Variants in PTPN13 observed in about 807,000 individuals in gnomAD.
PTPN13 encodes protein tyrosine phosphatase non-receptor type 13, also known as tyrosine-protein phosphatase non-receptor type 13.
Under a neutral mutation model 284.0 loss-of-function variants are expected in PTPN13, and 191 were observed. That is an observed-to-expected ratio of 0.67 (90% CI 0.60 to 0.76). The LOEUF (loss-of-function observed/expected upper bound fraction) is 0.76, where lower values mean the gene tolerates loss of function less well. PTPN13 is among the 30% of genes least tolerant of loss of function. PTPN13 has a pLI of 0.00. For missense variants in PTPN13, 2,797 were observed against 2,939.9 expected (o/e 0.95, Z 1.12); for synonymous variants, 986 against 1,022.3 (o/e 0.96, Z 0.68).
At chr4:86,812,508 A>ATAGG (rs1745344733) in intron 47 of PTPN13, among the ~76,000 whole-genome samples, 1 of 152,170 alleles carries the variant, frequency 6.6e-6, no homozygotes, top group Admixed American at 6.5e-5. Context: ...GAAAAATGAA[A>ATAGG]TAGGTAAAGG....
chr4:86,669,699 C>T (rs1727521070), intron 2 of PTPN13, among the ~76,000 whole-genome samples: 1 of 152,098 alleles, frequency 6.6e-6, no homozygotes. Flanking sequence ...ATGTAGCAAG[C>T]CTTTTCTGGT....
chr4:86,688,947 C>T, intron 4 of PTPN13, 58 bp from the exon 5 acceptor site: 1 of 1,365,298 alleles, frequency 7.3e-7, no homozygotes, highest in Non-Finnish European at 1.0e-6. Context: ...TGATTTGTCT[C>T]ATTAGAAAAA....
At chr4:86,682,665 T>C (rs1039600799) in intron 3 of PTPN13, among the ~76,000 whole-genome samples, 1 of 152,194 alleles carries the variant, frequency 6.6e-6, no homozygotes, top group Admixed American at 6.5e-5. Flanking sequence ...ATTGCTGCTA[T>C]TTATTAACCA....
At chr4:86,627,299 G>A (rs1426579046) in intron 1 of PTPN13, among the ~76,000 whole-genome samples, 1 of 152,000 alleles carries the variant, frequency 6.6e-6, no homozygotes, top group Non-Finnish European at 1.5e-5. Flanking sequence ...GGTTAAAATA[G>A]TAAATTTAAC....
At chr4:86,597,880 T>A (rs1384683380) in intron 1 of PTPN13, among the ~76,000 whole-genome samples, 2 of 152,260 alleles carry the variant, frequency 1.3e-5, no homozygotes, top group Non-Finnish European at 2.9e-5. Flanking sequence ...GAACAGGGTC[T>A]GGTTCAAGTG....
chr4:86,760,677 C>T (rs1738567943), intron 23 of PTPN13, among the ~76,000 whole-genome samples: 3 of 152,000 alleles, frequency 2.0e-5, no homozygotes, highest in East Asian at 3.9e-4. Context: ...AGGAACTTTA[C>T]CTATTGTGAG....
intron 1 of PTPN13, among the ~76,000 whole-genome samples, chr4:86,607,121 T>A (rs1382072655): frequency 6.6e-6 from 1 of 151,900 alleles, no homozygotes; most frequent in Non-Finnish European, 1.5e-5. Flanking sequence ...GCAAAATTCA[T>A]GTTTATGATT....
At chr4:86,763,307 G>C (rs1347127329) in intron 24 of PTPN13, 117 bp downstream of exon 24, 1 of 889,246 alleles carries the variant, frequency 1.1e-6, no homozygotes, top group Non-Finnish European at 1.7e-6. Context: ...AAAAGAAATA[G>C]TTTATATCTT....
chr4:86,767,803 T>C lies in PTPN13; in HGVS notation c.4330-14T>C. The C allele has an allele frequency of 6.6e-7, 1 of 1,526,084 alleles. No individual in the cohort carries two copies. The highest frequency in any genetic ancestry group is 1.2e-5 in the South Asian group (1 of 80,234). 94.5% of individuals were successfully genotyped at this position (1,526,084 alleles called of 1,614,324 possible). On this transcript the variant is annotated splice_polypyrimidine_tract_variant and intron_variant, in intron 27 of 47. Coordinates refer to ENST00000411767, the MANE Select transcript of PTPN13 (RefSeq NM_080683.3). ...ATTCTTCTTAATTAATGAAATGCTA[T>C]TTTACTTATCCAGGTGGTTCATCTG...
In PTPN13 at chr4:86,679,760, C is replaced by T. The variant is rs192471738; in HGVS notation, c.295-6950C>T. ...CCAGAGATGGCTGAATGAGAGGTAT[C>T]TGCACATCAGACTGCAGTGTCTCAC... On this transcript the variant is annotated intron_variant, in intron 3 of 47. Coordinates refer to ENST00000411767, the MANE Select transcript of PTPN13 (RefSeq NM_080683.3). 7.7e-4 allele frequency among the ~76,000 whole-genome samples: 117 copies of T among 152,290 alleles called. 1 individual carries two copies. The highest frequency in any genetic ancestry group is 7.0e-3 in the Admixed American group (107 of 15,294).
intron 1 of PTPN13, among the ~76,000 whole-genome samples, chr4:86,614,171 G>A (rs746099093): frequency 6.6e-6 from 1 of 152,014 alleles, no homozygotes; most frequent in African/African-American, 2.4e-5. Context: ...TATACAAGAC[G>A]GATTTCTAGA....
chr4:86,692,477 G>A (rs890955595), intron 5 of PTPN13, among the ~76,000 whole-genome samples: 4 of 152,120 alleles, frequency 2.6e-5, no homozygotes, highest in Non-Finnish European at 5.9e-5. Context: ...TGGTATGTGC[G>A]AGTTTGTGTG....
At chr4:86,810,559 A>C (rs1745116874) in intron 46 of PTPN13, among the ~76,000 whole-genome samples, 1 of 152,202 alleles carries the variant, frequency 6.6e-6, no homozygotes, top group Admixed American at 6.5e-5. Context: ...AATTAAAATC[A>C]TAGTGTCTTA....
intron 1 of PTPN13, among the ~76,000 whole-genome samples, chr4:86,619,161 C>T (rs780408340): frequency 1.3e-5 from 2 of 152,132 alleles, no homozygotes; most frequent in Non-Finnish European, 2.9e-5. Flanking sequence ...ACAACTGACA[C>T]GGTAGCCTAC....
At chr4:86,604,663 T>A (rs947501971) in intron 1 of PTPN13, among the ~76,000 whole-genome samples, 2 of 151,884 alleles carry the variant, frequency 1.3e-5, no homozygotes, top group African/African-American at 4.8e-5. Context: ...TAGAAAAAAA[T>A]ACCACAGCAT....
intron 9 of PTPN13, among the ~76,000 whole-genome samples, chr4:86,720,393 CT>C (rs1554321683): frequency 6.6e-6 from 1 of 151,750 alleles, no homozygotes; most frequent in Non-Finnish European, 1.5e-5. Flanking sequence ...GGTAAACTGT[CT>C]TTTTTTTCAT....
intron 2 of PTPN13, among the ~76,000 whole-genome samples, chr4:86,652,996 T>C (rs911972655): frequency 6.6e-6 from 1 of 151,928 alleles, no homozygotes; most frequent in Non-Finnish European, 1.5e-5. Context: ...AGCTCATCAG[T>C]TTTTCCTTCT....
intron 1 of PTPN13, among the ~76,000 whole-genome samples, chr4:86,618,852 A>G (rs1307041808): frequency 1.3e-5 from 2 of 152,202 alleles, no homozygotes; most frequent in African/African-American, 2.4e-5. Flanking sequence ...TTTTCTAGGT[A>G]TACAATCATG....
At chr4:86,633,673 C>T (rs1722710215) in intron 1 of PTPN13, among the ~76,000 whole-genome samples, 2 of 152,214 alleles carry the variant, frequency 1.3e-5, no homozygotes, top group African/African-American at 2.4e-5. Context: ...GGTAGTCCTT[C>T]ACACAAGTCA....
Sources: gnomAD v4.1 joint callset for allele counts (sites outside exome capture counted in the v4.1 genomes callset) on GRCh38, gnomAD v4.1.1 for gene constraint, MANE v1.5 for transcripts, NCBI Gene and HGNC (gene_info 2026-07-23, HGNC 2026-07-21) for gene names.